SF3B3: variants seen among roughly 807,000 people sequenced by gnomAD.
The protein encoded by SF3B3 is splicing factor 3b subunit 3, also known as SAP 130.
A neutral mutation model predicts 139.2 loss-of-function variants in SF3B3; 33 were observed. The observed-to-expected ratio is 0.24, with a 90% CI of 0.18 to 0.32. SF3B3 has a LOEUF of 0.32. Among genes scored for constraint, SF3B3 ranks in the 10% least tolerant of loss-of-function variants. The pLI is 1.00. For synonymous variants in SF3B3, 596 were observed against 563.6 expected (o/e 1.06, Z -0.81); for missense variants, 818 against 1,509.4 (o/e 0.54, Z 7.59).
intron 8 of SF3B3, among the ~76,000 whole-genome samples, chr16:70,540,940 T>C (rs569583125): frequency 3.9e-4 from 60 of 152,298 alleles, no homozygotes; most frequent in African/African-American, 1.3e-3. Context: ...ATTCCCCATT[T>C]TTAATTTTTT....
At position 70,573,075 on chromosome 16, in the gene SF3B3, C is replaced by G. The variant is rs1474764453; in HGVS notation, c.*1262C>G. 6.6e-6 allele frequency: 1 copy of G among 152,164 alleles called. No individual in the cohort carries two copies. Among genetic ancestry groups the G allele is most frequent in the Admixed American group, 6.5e-5 (1 of 15,276 alleles). The allele number at this position is 152,164 out of a possible 1,614,324, so 9.4% of individuals were successfully genotyped here. ...AATACAATCTGAACCTCTCAGAGCC[C>G]AGAACAGAGGGTTCCTGACACTGTG... On this transcript the variant is annotated 3_prime_UTR_variant, in exon 26 of 26. Transcript: ENST00000302516.
chr16:70,533,417 T>C (rs1002369883), intron 5 of SF3B3, among the ~76,000 whole-genome samples: 2 of 152,172 alleles, frequency 1.3e-5, no homozygotes, highest in African/African-American at 4.8e-5. Flanking sequence ...GAGTCTAGTA[T>C]GACTACAGTA....
intron 11 of SF3B3, among the ~76,000 whole-genome samples, chr16:70,551,502 A>C (rs2050324723): frequency 6.6e-6 from 1 of 152,112 alleles, no homozygotes; most frequent in African/African-American, 2.4e-5. Flanking sequence ...TGGGAATTTG[A>C]GACCAGCCTG....
In SF3B3 at chr16:70,556,842, A is replaced by C. The variant is rs758726306; in HGVS notation, c.1867-44A>C. On this transcript the variant is annotated intron_variant, in intron 14 of 25. Coordinates refer to ENST00000302516, the MANE Select transcript of SF3B3 (RefSeq NM_012426.5). ...TTCTCTGGGTATGTTTTTTTCCTAAAATTGTCATTTTCTGTGTTTTTATGA... is the reference window on the plus strand; with the variant it reads ...TTCTCTGGGTATGTTTTTTTCCTAACATTGTCATTTTCTGTGTTTTTATGA... The C allele has an allele frequency of 1.2e-5, 20 of 1,610,340 alleles. No homozygotes were observed. The African/African-American group carries it at 2.7e-4, about 22-fold the overall frequency.
At chr16:70,555,861 CAG>C (rs1301617893) in intron 13 of SF3B3, among the ~76,000 whole-genome samples, 4 of 152,192 alleles carry the variant, frequency 2.6e-5, no homozygotes, top group African/African-American at 4.8e-5. Flanking sequence ...TTGTAAAACA[CAG>C]ACAGTTTTAT....
At chr16:70,564,219 A>G in intron 18 of SF3B3, among the ~76,000 whole-genome samples, 169 bp downstream of exon 18, 1 of 152,138 alleles carries the variant, frequency 6.6e-6, no homozygotes, top group East Asian at 1.9e-4. Context: ...AAAAATTTTA[A>G]AAGATAGCCT....
chr16:70,555,268 T>C (rs945755883), intron 13 of SF3B3, 62 bp downstream of exon 13: 1 of 1,428,042 alleles, frequency 7.0e-7, no homozygotes, highest in Admixed American at 1.7e-5. Context: ...AGATGGGCAT[T>C]GTAGTCTAGT....
intron 16 of SF3B3, 200 bp from the exon 17 acceptor site, chr16:70,561,430 C>T (rs2050428013): frequency 7.0e-6 from 4 of 572,370 alleles, no homozygotes; most frequent in Non-Finnish European, 1.2e-5. Flanking sequence ...TCATATGGCT[C>T]GTAGCCCATG....
At chr16:70,533,123 A>G (rs1235982506) in intron 5 of SF3B3, among the ~76,000 whole-genome samples, 1 of 152,212 alleles carries the variant, frequency 6.6e-6, no homozygotes, top group Non-Finnish European at 1.5e-5. Context: ...CACTCTCCCA[A>G]AAGATTGAGG....
In SF3B3 at chr16:70,523,915, C is replaced by T. The variant is rs1216398002; in HGVS notation, c.-84C>T. On this transcript the variant is annotated 5_prime_UTR_variant, in exon 1 of 26. Transcript: ENST00000302516. The stretch of plus-strand genomic sequence containing the variant: ...GCATCCGTTGGATATCCACACCATC[C>T]TTCTCGCTGCAGGGTAAAAAAACAG... The T allele has an allele frequency of 2.2e-6, 1 of 463,462 alleles. No homozygotes were observed. Among genetic ancestry groups the T allele is most frequent in the East Asian group, 3.3e-5 (1 of 30,080 alleles). The allele number at this position is 463,462 out of a possible 1,614,324, so 28.7% of individuals were successfully genotyped here.
chr16:70,542,290 G>C (rs2050226396), intron 9 of SF3B3, among the ~76,000 whole-genome samples: 1 of 152,200 alleles, frequency 6.6e-6, no homozygotes, highest in South Asian at 2.1e-4. Context: ...TTGACCTCTT[G>C]TCATGTAACA....
chr16:70,550,674 C>T, intron 11 of SF3B3: 1 of 985,228 alleles, frequency 1.0e-6, no homozygotes, highest in African/African-American at 1.8e-5. Context: ...TGCTGATCAC[C>T]ACAGGTGTGT....
At position 70,565,215 on chromosome 16, in the gene SF3B3, A is replaced by G. The variant is rs564689396; in HGVS notation, c.2614A>G (p.Ile872Val). The part of the protein sequence containing the change: ...WASVIRVMNP[I>V]QGNTLDLVQL... ...CTCTGTGATCCGAGTGATGAATCCC[A>G]TTCAAGGGAACACACTGGACCTTGT... The change falls in exon 19 of 26, where the codon ATT (isoleucine) becomes GTT (valine). Residue 872 changes from isoleucine (I) to valine (V), a missense_variant. This residue lies in a region of SF3B3 where 145 missense variants were observed against 153.6 expected (regional missense o/e 0.94). Coordinates refer to ENST00000302516, the MANE Select transcript of SF3B3 (RefSeq NM_012426.5). The G allele has an allele frequency of 6.2e-6, 10 of 1,614,098 alleles. No individual in the cohort carries two copies. Among genetic ancestry groups the G allele is most frequent in the East Asian group, 2.2e-5 (1 of 44,896 alleles).
intron 9 of SF3B3, among the ~76,000 whole-genome samples, chr16:70,543,525 C>T (rs779987015): frequency 4.0e-5 from 6 of 151,616 alleles, no homozygotes; most frequent in Non-Finnish European, 7.4e-5. Flanking sequence ...CTGGCCAACA[C>T]GGTGAAACCC....
chr16:70,541,149 G>C (rs1018536521), intron 8 of SF3B3, among the ~76,000 whole-genome samples: 2 of 152,194 alleles, frequency 1.3e-5, no homozygotes, highest in Non-Finnish European at 2.9e-5. Context: ...GTATGCAGTG[G>C]TGGTATGAAG....
At position 70,571,881 on chromosome 16, in the gene SF3B3, C is replaced by T. The variant is rs1273950904; in HGVS notation, c.*68C>T. ...GTTTCCCCCACCACCATCACTGCCA[C>T]CTGGCTTCTGCCATGTGGCAGGAGG... On this transcript the variant is annotated 3_prime_UTR_variant, in exon 26 of 26. Transcript: ENST00000302516. 1.3e-6 allele frequency: 2 copies of T among 1,541,426 alleles called. No individual in the cohort carries two copies. The highest frequency in any genetic ancestry group is 1.8e-6 in the Non-Finnish European group (2 of 1,142,472).
At chr16:70,532,154 T>A (rs925524471) in intron 4 of SF3B3, among the ~76,000 whole-genome samples, 1 of 152,062 alleles carries the variant, frequency 6.6e-6, no homozygotes, top group African/African-American at 2.4e-5. Flanking sequence ...TAGCCAGGCG[T>A]GGTGGCACAT....
chr16:70,528,337 G>A (rs1264993689), intron 2 of SF3B3, among the ~76,000 whole-genome samples: 1 of 149,442 alleles, frequency 6.7e-6, no homozygotes, highest in Non-Finnish European at 1.5e-5. Flanking sequence ...GCTAATTTTT[G>A]TATTTTTAGT....
At chr16:70,529,420 A>G in intron 3 of SF3B3, 2 of 554,402 alleles carry the variant, frequency 3.6e-6, no homozygotes, top group Non-Finnish European at 6.4e-6. Context: ...CTAGTTGGAA[A>G]TGGGTGTTTT....
Sources: gnomAD v4.1 joint callset for allele counts (sites outside exome capture counted in the v4.1 genomes callset) on GRCh38, gnomAD v4.1.1 for gene constraint, gnomAD v4.1.1 regional missense constraint, MANE v1.5 for transcripts, NCBI Gene and HGNC (gene_info 2026-07-23, HGNC 2026-07-21) for gene names.